The following SUMF1 variants were observed in gnomAD, a reference collection of about 807,000 sequenced individuals.
SUMF1 encodes sulfatase modifying factor 1, also known as formylglycine-generating enzyme.
SUMF1 carries 48 observed loss-of-function variants against 47.6 expected under a neutral mutation model. That is an observed-to-expected ratio of 1.01 (90% CI 0.80 to 1.28). The LOEUF is 1.28. Ranked by LOEUF, SUMF1 falls within the 50% of genes most tolerant of loss-of-function variation. The pLI, the probability that SUMF1 is intolerant of heterozygous loss-of-function variation, is 0.00. For synonymous variants in SUMF1, 230 were observed against 192.1 expected (o/e 1.20, Z -1.63); for missense variants, 571 against 485.4 (o/e 1.18, Z -1.66).
rs376010561 is a variant in SUMF1 at position 4,045,111 on chromosome 3, T to C, written c.1191+23458A>G. Among the ~76,000 whole-genome samples the C allele has an allele frequency of 1.8e-4, 28 of 152,254 alleles. 1 individual carries two copies. The South Asian group carries it at 3.5e-3, about 19-fold the overall frequency. ...TAATCTAGGTGTTTCTGCAAAGGTG[T>C]TTTGTAGATGTGATTACAGTCCACA... is the stretch of plus-strand genomic sequence containing the variant. On this transcript the variant is annotated intron_variant and NMD_transcript_variant, in intron 9 of 12. Transcript: ENST00000448413.
At chr3:4,184,641 ATTTCCCTGGATTTTTTTTTTT>A (rs1695162932) in intron 8 of SUMF1, among the ~76,000 whole-genome samples, 1 of 129,570 alleles carries the variant, frequency 7.7e-6, no homozygotes, top group Non-Finnish European at 1.6e-5. Flanking sequence ...ACAGAAAACA[ATTTCCCTGGATTTTTTTTTTT>A]TTTTTTGAGA....
chr3:4,187,199 A>G (rs1475230871), intron 8 of SUMF1, among the ~76,000 whole-genome samples: 1 of 151,890 alleles, frequency 6.6e-6, no homozygotes, highest in Non-Finnish European at 1.5e-5. Context: ...GCAAGACCCC[A>G]TCTCTACAAA....
chr3:4,169,531 C>T (rs1694786977), intron 8 of SUMF1, among the ~76,000 whole-genome samples: 1 of 152,144 alleles, frequency 6.6e-6, no homozygotes, highest in South Asian at 2.1e-4. Context: ...CCACTAGAGC[C>T]TTTAGAAGAA....
intron 8 of SUMF1, among the ~76,000 whole-genome samples, chr3:4,304,505 A>C (rs909529107): frequency 1.1e-4 from 16 of 152,324 alleles, no homozygotes; most frequent in African/African-American, 3.6e-4. Flanking sequence ...GGAATGACCA[A>C]AGATTTTGAA....
At chr3:4,172,126 A>G (rs1694845179) in intron 8 of SUMF1, among the ~76,000 whole-genome samples, 1 of 152,226 alleles carries the variant, frequency 6.6e-6, no homozygotes, top group Non-Finnish European at 1.5e-5. Context: ...GGATGGAACG[A>G]AAAATACTTA....
chr3:4,461,558 T>A (rs1398555219), intron 1 of SUMF1, among the ~76,000 whole-genome samples: 2 of 152,220 alleles, frequency 1.3e-5, no homozygotes, highest in Admixed American at 1.3e-4. Context: ...TTTTCTCATC[T>A]TCTTCTCCCT....
At chr3:4,141,506 G>A (rs904533942) in intron 8 of SUMF1, among the ~76,000 whole-genome samples, 1 of 151,950 alleles carries the variant, frequency 6.6e-6, no homozygotes, top group African/African-American at 2.4e-5. Context: ...TTCATCAAGG[G>A]TCATTTAAAT....
chr3:4,172,761 C>A (rs531945926), intron 8 of SUMF1, among the ~76,000 whole-genome samples: 10 of 152,114 alleles, frequency 6.6e-5, no homozygotes, highest in African/African-American at 2.4e-4. Context: ...CGGATATTAG[C>A]CCTTTGTCAG....
chr3:4,457,038 GTA>G lies in SUMF1; in HGVS notation c.271-3991_271-3990del, dbSNP rs1313561547. On this transcript the variant is annotated intron_variant, in intron 1 of 8. Transcript: ENST00000272902. The stretch of plus-strand genomic sequence containing the variant: ...TGTGTACATATATATACGTGTGTGT[GTA>G]TATATATATACGTGTGTGTATATAT... 7.8e-4 allele frequency among the ~76,000 whole-genome samples: 85 copies of G among 109,250 alleles called. 4 individuals carry two copies. The highest frequency in any genetic ancestry group is 7.6e-3 in the East Asian group (28 of 3,708). The allele number at this position is 109,250 out of a possible 152,430, so 71.7% of individuals were successfully genotyped here. A position where few individuals can be genotyped will look rare whatever the true frequency, so the allele number is the denominator to read the frequency against.
At position 4,361,970 on chromosome 3, in the gene SUMF1, A is replaced by G. The variant is rs1362878307; in HGVS notation, c.*174T>C. On this transcript the variant is annotated 3_prime_UTR_variant, in exon 9 of 9. Transcript: ENST00000272902. ...ATGCACCACACCATAAAGCACATGC[A>G]CTGACCCAGGTCAGCAATTTGGTCT... 3 of 630,284 alleles carry G rather than the reference A, an allele frequency of 4.8e-6. No homozygotes were observed. The highest frequency in any genetic ancestry group is 8.6e-6 in the Non-Finnish European group (3 of 348,380). The allele number at this position is 630,284 out of a possible 1,614,324, so 39.0% of individuals were successfully genotyped here. A position where few individuals can be genotyped will look rare whatever the true frequency, so the allele number is the denominator to read the frequency against.
intron 6 of SUMF1, among the ~76,000 whole-genome samples, chr3:4,413,003 C>A (rs1051301925): frequency 1.3e-5 from 2 of 151,900 alleles, no homozygotes; most frequent in African/African-American, 4.8e-5. Context: ...CCTATGTGTG[C>A]ATCAATACTA....
chr3:4,121,458 C>A (rs6790075), intron 8 of SUMF1, among the ~76,000 whole-genome samples: 6,335 of 152,174 alleles, frequency 0.042, 439 homozygotes, highest in African/African-American at 0.14. Flanking sequence ...ATCCTTTAAA[C>A]ATGATAGTTG....
intron 8 of SUMF1, among the ~76,000 whole-genome samples, chr3:4,244,074 T>C (rs114953323): frequency 0.029 from 4,377 of 152,264 alleles, 232 homozygotes; most frequent in African/African-American, 0.1. Context: ...GAGACTAGGA[T>C]TGCAATCCCT....
chr3:4,306,182 T>C (rs1310654554), intron 8 of SUMF1, among the ~76,000 whole-genome samples: 1 of 152,190 alleles, frequency 6.6e-6, no homozygotes, highest in Non-Finnish European at 1.5e-5. Flanking sequence ...TAAATCTGTT[T>C]CCAATCTTGA....
chr3:4,229,856 A>C (rs911329196), intron 8 of SUMF1, among the ~76,000 whole-genome samples: 2 of 151,956 alleles, frequency 1.3e-5, no homozygotes, highest in African/African-American at 2.4e-5. Context: ...TCTACAAAAA[A>C]AAATTAATTA....
chr3:4,212,153 G>A (rs1041452564), intron 8 of SUMF1, among the ~76,000 whole-genome samples: 2 of 152,156 alleles, frequency 1.3e-5, no homozygotes, highest in East Asian at 3.9e-4. Flanking sequence ...TCCCAGTAGG[G>A]GCCGACAGAC....
At chr3:4,465,436 G>A (rs1000997413) in intron 1 of SUMF1, among the ~76,000 whole-genome samples, 3 of 150,952 alleles carry the variant, frequency 2.0e-5, no homozygotes, top group Non-Finnish European at 1.5e-5. Flanking sequence ...CGGAGATCGC[G>A]CCACTGCACT....
At chr3:4,059,476 A>G (rs1404535377) in intron 9 of SUMF1, among the ~76,000 whole-genome samples, 2 of 152,174 alleles carry the variant, frequency 1.3e-5, no homozygotes, top group African/African-American at 4.8e-5. Context: ...AACCAAGAAG[A>G]TGATGGTGAT....
chr3:4,063,461 T>C (rs2125028786), intron 9 of SUMF1, among the ~76,000 whole-genome samples: 1 of 152,196 alleles, frequency 6.6e-6, no homozygotes, highest in South Asian at 2.1e-4. Context: ...AAAGTGAACA[T>C]GGGATGTATG....
Sources: allele counts gnomAD v4.1 joint callset (sites outside exome capture counted in the v4.1 genomes callset), GRCh38; gene constraint gnomAD v4.1.1; transcripts MANE v1.5; gene names NCBI Gene and HGNC (gene_info 2026-07-23, HGNC 2026-07-21).